CCDC160: variants seen among roughly 807,000 people sequenced by gnomAD.
CCDC160 encodes the protein coiled-coil domain containing 160.
For missense variants in CCDC160, 227 were observed against 215.6 expected (o/e 1.05, Z -0.33); for synonymous variants, 94 against 79.4 (o/e 1.18, Z -0.98).
downstream of CCDC160, chrX:134,246,004 AGTGTGTGT>A (rs201689931): frequency 3.2e-4 from 64 of 200,148 alleles, no homozygotes; most frequent in East Asian, 1.4e-3. Context: ...CTCATATCAG[AGTGTGTGT>A]GTGTGTGTGT....
At chrX:134,237,518 G>A (rs1380157246) in intron 1 of CCDC160, among the ~76,000 whole-genome samples, 175 bp downstream of exon 1, 1 of 112,128 alleles carries the variant, frequency 8.9e-6, no homozygotes, top group East Asian at 2.8e-4. Context: ...GCGTTTGGGA[G>A]GGAAAGGACC....
chrX:134,245,967 T>C, downstream of CCDC160: 1 of 345,784 alleles, frequency 2.9e-6, no homozygotes, highest in East Asian at 4.8e-5. Context: ...ATTGCAGGAA[T>C]ACAAATGGAA....
chrX:134,239,193 C>T (rs1347376475), intron 1 of CCDC160, among the ~76,000 whole-genome samples: 1 of 112,033 alleles, frequency 8.9e-6, no homozygotes, highest in East Asian at 2.8e-4. Flanking sequence ...TTCAGGGCTA[C>T]TATGTGTCAG....
chrX:134,243,813 C>T (rs891544180), intron 1 of CCDC160, among the ~76,000 whole-genome samples: 8 of 111,561 alleles, frequency 7.2e-5, no homozygotes, highest in Admixed American at 4.8e-4. Flanking sequence ...TTAGGGCTAA[C>T]TTCAGCTACC....
At chrX:134,245,085 T>G in exon 2 of CCDC160, 1 of 1,184,299 alleles carries the variant, frequency 8.4e-7, no homozygotes, top group Non-Finnish European at 1.1e-6. Flanking sequence ...ACACAAATTC[T>G]GCATCCTATG....
chrX:134,244,922 G>A, exon 2 of CCDC160: 2 of 1,204,711 alleles, frequency 1.7e-6, no homozygotes, highest in Non-Finnish European at 2.2e-6. Context: ...GCAGATAGCA[G>A]CAAGGGAATG....
At chrX:134,244,832 A>C in exon 2 of CCDC160, 1 of 1,178,493 alleles carries the variant, frequency 8.5e-7, no homozygotes, top group African/African-American at 1.8e-5. Flanking sequence ...TGGAAGGAGA[A>C]TATGTTTACT....
At chrX:134,244,862 A>T (rs200879811) in exon 2 of CCDC160, 3 of 1,192,748 alleles carry the variant, frequency 2.5e-6, no homozygotes, top group Admixed American at 4.6e-5. Flanking sequence ...AGTGCACAAG[A>T]TGTTCTAGAA....
At chrX:134,239,087 T>C (rs1361586889) in intron 1 of CCDC160, among the ~76,000 whole-genome samples, 1 of 111,796 alleles carries the variant, frequency 8.9e-6, no homozygotes, top group Non-Finnish European at 1.9e-5. Context: ...GAGGAGAAAT[T>C]ATGTCAAAAA....
At chrX:134,244,709 TTC>T in intron 1 of CCDC160, 66 bp from the exon 3 acceptor site, 2 of 971,268 alleles carry the variant, frequency 2.1e-6, no homozygotes, top group Non-Finnish European at 2.7e-6. Flanking sequence ...GCATTTTTAT[TTC>T]TTTCTACTAT....
chrX:134,244,341 A>G (rs1401492492), intron 1 of CCDC160, among the ~76,000 whole-genome samples: 1 of 112,473 alleles, frequency 8.9e-6, no homozygotes, highest in Non-Finnish European at 1.9e-5. Context: ...TTAAAGAATG[A>G]ATTAACAATA....
At position 134,241,431 on chromosome X, in the gene CCDC160, C is replaced by CA. The variant is rs1008812602; in HGVS notation, c.-24-3336dup. 1.5e-3 allele frequency among the ~76,000 whole-genome samples: 153 copies of CA among 104,982 alleles called. 2 individuals are homozygous for CA. The highest frequency in any genetic ancestry group is 2.3e-3 in the Non-Finnish European group (119 of 50,747). 91.2% of individuals were successfully genotyped at this position (104,982 alleles called of 115,157 possible). On this transcript the variant is annotated intron_variant, in intron 1 of 1. Transcript: ENST00000370809. ...AAAATGTCCTATTACTTTGCCACTG[C>CA]AAAAAAAAAAGTCACCTGAGGATAA...
chrX:134,242,563 A>G (rs1433823464), intron 1 of CCDC160, among the ~76,000 whole-genome samples: 2 of 104,844 alleles, frequency 1.9e-5, no homozygotes, highest in Non-Finnish European at 4.0e-5. Flanking sequence ...GAAAATTAAA[A>G]AGTGTGTGTG....
intron 1 of CCDC160, among the ~76,000 whole-genome samples, chrX:134,242,937 G>A (rs745692837): frequency 4.5e-5 from 5 of 110,948 alleles, no homozygotes; most frequent in Non-Finnish European, 7.6e-5. Flanking sequence ...AATGTGACTG[G>A]CAATTAACAT....
In CCDC160 at chrX:134,239,848, A is replaced by G. The variant is rs144733092; in HGVS notation, c.-25+2505A>G. Among the ~76,000 whole-genome samples the G allele has an allele frequency of 2.1e-4, 24 of 112,128 alleles. No individual in the cohort carries two copies. In the East Asian group the frequency reaches 6.7e-3, roughly 32 times the overall value. On this transcript the variant is annotated intron_variant, in intron 1 of 1. Coordinates refer to ENST00000370809, the Ensembl canonical transcript of CCDC160. Reference sequence around the variant, plus strand: ...ATTGTCCCTATTTTACACCTGAAGAATCTGAGGCTTGCAGTTCTAAAATGT... The same window carrying G: ...ATTGTCCCTATTTTACACCTGAAGAGTCTGAGGCTTGCAGTTCTAAAATGT...
chrX:134,242,519 G>A (rs2077030359), intron 1 of CCDC160, among the ~76,000 whole-genome samples: 1 of 109,836 alleles, frequency 9.1e-6, no homozygotes, highest in Admixed American at 9.8e-5. Flanking sequence ...CAGACACCAG[G>A]AAATTATACA....
chrX:134,243,971 T>C (rs1233896007), intron 1 of CCDC160, among the ~76,000 whole-genome samples: 1 of 111,649 alleles, frequency 9.0e-6, no homozygotes, highest in Non-Finnish European at 1.9e-5. Flanking sequence ...GGGAAGACTC[T>C]TTTTGGAACA....
At chrX:134,238,549 T>TTATGTATTTATTTATTTATTTA (rs2077017953) in intron 1 of CCDC160, among the ~76,000 whole-genome samples, 1 of 109,137 alleles carries the variant, frequency 9.2e-6, no homozygotes, top group Non-Finnish European at 1.9e-5. Flanking sequence ...ATTTTTGTAT[T>TTATGTATTTATTTATTTATTTA]TTTAGTAGAG....
chrX:134,244,831 A>C (rs2077036964), exon 2 of CCDC160: 1 of 1,174,862 alleles, frequency 8.5e-7, no homozygotes, highest in African/African-American at 1.8e-5. Flanking sequence ...CTGGAAGGAG[A>C]ATATGTTTAC....
Sources: gnomAD v4.1 joint callset for allele counts (sites outside exome capture counted in the v4.1 genomes callset) on GRCh38, gnomAD v4.1.1 for gene constraint, MANE v1.5 for transcripts, NCBI Gene and HGNC (gene_info 2026-07-23, HGNC 2026-07-21) for gene names.